DPP10: variants seen among roughly 807,000 people sequenced by gnomAD.
DPP10 encodes the protein dipeptidyl peptidase like 10.
Under a neutral mutation model 120.9 loss-of-function variants are expected in DPP10, and 33 were observed. The ratio of observed to expected loss-of-function variants is 0.27; its 90% confidence interval spans 0.21 to 0.37. The LOEUF (loss-of-function observed/expected upper bound fraction) is 0.37, where lower values mean the gene tolerates loss of function less well. Ranked by LOEUF, DPP10 falls within the 10% of genes least tolerant of loss-of-function variation. The pLI, the probability that DPP10 is intolerant of heterozygous loss-of-function variation, is 1.00. For missense variants in DPP10, 816 were observed against 942.8 expected (o/e 0.87, Z 1.76); for synonymous variants, 337 against 326.1 (o/e 1.03, Z -0.36).
intron 1 of DPP10, among the ~76,000 whole-genome samples, chr2:115,095,589 T>TTTTG (rs1709668381): frequency 1.3e-5 from 2 of 149,470 alleles, no homozygotes; most frequent in South Asian, 2.1e-4. Context: ...TTTTTTGTTT[T>TTTTG]TTTTTTTTGA....
chr2:114,532,296 T>TATATATACATACACACACACAC (rs1342125338), intron 1 of DPP10, among the ~76,000 whole-genome samples: 7 of 74,760 alleles, frequency 9.4e-5, no homozygotes, highest in African/African-American at 4.6e-4. Flanking sequence ...TATATATATA[T>TATATATACATACACACACACAC]ACACACACAC....
rs3981301 is a variant in DPP10, at chr2:114,447,034, A to ATTTT, written c.60+4211_60+4214dup. Among the ~76,000 whole-genome samples the ATTTT allele has an allele frequency of 1.6e-3, 224 of 138,346 alleles. 7 individuals carry two copies. The highest frequency in any genetic ancestry group is 4.2e-3 in the African/African-American group (153 of 36,616). The allele number at this position is 138,346 out of a possible 152,430, so 90.8% of individuals were successfully genotyped here. A position where few individuals can be genotyped will look rare whatever the true frequency, so the allele number is the denominator to read the frequency against. ...GCATTGCAATCTCACTGGTTGTTAA[A>ATTTT]TTTTTTTTTTTTTTTTTTGAGACGG... is the stretch of plus-strand genomic sequence containing the variant. On this transcript the variant is annotated intron_variant, in intron 1 of 25. Transcript: ENST00000410059.
chr2:114,512,690 G>A (rs573212880), intron 1 of DPP10, among the ~76,000 whole-genome samples: 9 of 152,156 alleles, frequency 5.9e-5, no homozygotes, highest in African/African-American at 1.9e-4. Context: ...GAGTTTTCTC[G>A]TTCATGTATG....
chr2:114,685,004 A>G (rs1699272168), intron 1 of DPP10, among the ~76,000 whole-genome samples: 2 of 151,990 alleles, frequency 1.3e-5, no homozygotes, highest in South Asian at 4.1e-4. Flanking sequence ...ACAATTTCCT[A>G]CAAACTGAGT....
chr2:115,370,223 T>C (rs1193385456), intron 3 of DPP10, among the ~76,000 whole-genome samples: 1 of 151,832 alleles, frequency 6.6e-6, no homozygotes, highest in Non-Finnish European at 1.5e-5. Flanking sequence ...GACAGAAAAA[T>C]TGAGAGCTTG....
intron 5 of DPP10, among the ~76,000 whole-genome samples, chr2:115,560,264 G>C (rs1319001132): frequency 6.9e-6 from 1 of 145,856 alleles, no homozygotes; most frequent in African/African-American, 2.5e-5. Flanking sequence ...CCAGCTACTC[G>C]GGAGGCTGAG....
At chr2:115,781,507 A>G (rs887544143) in intron 16 of DPP10, among the ~76,000 whole-genome samples, 2 of 151,934 alleles carry the variant, frequency 1.3e-5, no homozygotes, top group Admixed American at 6.6e-5. Context: ...ACATGTTTAT[A>G]CAGTATCTCT....
At chr2:115,674,760 C>A (rs150533129) in intron 5 of DPP10, among the ~76,000 whole-genome samples, 88 of 152,204 alleles carry the variant, frequency 5.8e-4, no homozygotes, top group African/African-American at 1.7e-3. Context: ...TATGAGGAAC[C>A]TTACAAATAG....
At chr2:115,714,992 G>A (rs1473857314) in intron 7 of DPP10, among the ~76,000 whole-genome samples, 8 of 138,524 alleles carry the variant, frequency 5.8e-5, no homozygotes, top group Admixed American at 8.2e-5. Flanking sequence ...TCGCGCCACC[G>A]CACTCCAGCC....
chr2:115,336,569 C>G (rs542657291), intron 2 of DPP10, among the ~76,000 whole-genome samples: 24 of 149,820 alleles, frequency 1.6e-4, no homozygotes, highest in African/African-American at 5.1e-4. Flanking sequence ...CTCTCTCTCT[C>G]TCTCTCTCTC....
chr2:115,336,577 C>G (rs139025418), intron 2 of DPP10, among the ~76,000 whole-genome samples: 48,712 of 148,080 alleles, frequency 0.33, 9,702 homozygotes, highest in Non-Finnish European at 0.46. Flanking sequence ...CTCTCTCTCT[C>G]TCTCTGTCTC....
chr2:115,319,574 T>C (rs559621120), intron 2 of DPP10, among the ~76,000 whole-genome samples: 49 of 152,326 alleles, frequency 3.2e-4, no homozygotes, highest in Non-Finnish European at 4.6e-4. Context: ...TCATTATAGG[T>C]CTGTTCAGGC....
chr2:115,680,365 G>T (rs556221577), intron 5 of DPP10, among the ~76,000 whole-genome samples: 2 of 151,858 alleles, frequency 1.3e-5, no homozygotes, highest in Admixed American at 6.6e-5. Context: ...TGTTTTAAAG[G>T]TGCAATATAA....
At chr2:114,612,661 T>C (rs1693372113) in intron 1 of DPP10, among the ~76,000 whole-genome samples, 1 of 152,092 alleles carries the variant, frequency 6.6e-6, no homozygotes, top group South Asian at 2.1e-4. Context: ...ATATTAGAAA[T>C]AAAATAAATC....
chr2:115,696,288 C>T (rs911068445), intron 7 of DPP10, among the ~76,000 whole-genome samples: 5 of 152,110 alleles, frequency 3.3e-5, no homozygotes, highest in African/African-American at 1.2e-4. Context: ...CAGAGACCCA[C>T]ACCAAGACAA....
At chr2:115,111,592 T>A (rs1374157547) in intron 1 of DPP10, among the ~76,000 whole-genome samples, 3 of 152,028 alleles carry the variant, frequency 2.0e-5, no homozygotes, top group Non-Finnish European at 4.4e-5. Context: ...TTGGGCAAGG[T>A]GACTCTCGTC....
Position 115,553,592 on chromosome 2 carries a change from A to G in DPP10, c.441+27620A>G, listed in dbSNP as rs1332968602. Among the ~76,000 whole-genome samples, 3 of 152,208 alleles carry G rather than the reference A, an allele frequency of 2.0e-5. No homozygotes were observed. The East Asian group carries it at 5.8e-4, about 29-fold the overall frequency. On this transcript the variant is annotated intron_variant, in intron 5 of 25. Transcript: ENST00000410059. ...CATGGTCTTCCTACAAGAAGAAAAA[A>G]GGATCCTAATTAGATCAGGACATTG...
At chr2:115,116,961 T>C (rs921467590) in intron 1 of DPP10, among the ~76,000 whole-genome samples, 1 of 152,346 alleles carries the variant, frequency 6.6e-6, no homozygotes, top group African/African-American at 2.4e-5. Flanking sequence ...TAATAGAACA[T>C]ATATATGATT....
intron 19 of DPP10, among the ~76,000 whole-genome samples, chr2:115,802,356 T>G (rs1397411921): frequency 6.6e-6 from 1 of 152,230 alleles, no homozygotes; most frequent in Non-Finnish European, 1.5e-5. Context: ...GGTCTATCAA[T>G]TTTGTTGATC....
Sources: allele counts gnomAD v4.1 joint callset (sites outside exome capture counted in the v4.1 genomes callset), GRCh38; gene constraint gnomAD v4.1.1; transcripts MANE v1.5; gene names NCBI Gene and HGNC (gene_info 2026-07-23, HGNC 2026-07-21).